Variants in VEPH1 observed in about 807,000 individuals in gnomAD.
The protein encoded by VEPH1 is ventricular zone expressed PH domain containing 1.
Under a neutral mutation model 85.2 loss-of-function variants are expected in VEPH1, and 80 were observed. The observed-to-expected ratio is 0.94, with a 90% CI of 0.78 to 1.13. The LOEUF (loss-of-function observed/expected upper bound fraction) is 1.13, where lower values mean the gene tolerates loss of function less well. Among genes scored for constraint, VEPH1 ranks in the 50% most tolerant of loss-of-function variants. The pLI is 0.00. For synonymous variants in VEPH1, 297 were observed against 348.0 expected (o/e 0.85, Z 1.63); for missense variants, 955 against 980.5 (o/e 0.97, Z 0.35).
intron 12 of VEPH1, among the ~76,000 whole-genome samples, chr3:157,268,700 T>C (rs2108269336): frequency 6.6e-6 from 1 of 152,228 alleles, no homozygotes; most frequent in Middle Eastern, 3.4e-3. Context: ...AGGCACTGCT[T>C]CTCCCTCACC....
chr3:157,337,043 A>C (rs1292700660), intron 9 of VEPH1, among the ~76,000 whole-genome samples: 1 of 151,976 alleles, frequency 6.6e-6, no homozygotes, highest in African/African-American at 2.4e-5. Flanking sequence ...TGTTTGAAAA[A>C]TGCTAAAATT....
At chr3:157,423,562 T>C (rs890830030) in intron 5 of VEPH1, among the ~76,000 whole-genome samples, 2 of 152,254 alleles carry the variant, frequency 1.3e-5, no homozygotes, top group Non-Finnish European at 2.9e-5. Context: ...CATAAAAGTA[T>C]GCATTCTTCA....
intron 2 of VEPH1, among the ~76,000 whole-genome samples, chr3:157,478,233 C>A (rs1036607259): frequency 6.6e-6 from 1 of 152,152 alleles, no homozygotes; most frequent in Non-Finnish European, 1.5e-5. Flanking sequence ...GAAGGGTCAT[C>A]CCAGTTCCAG....
At chr3:157,299,416 C>T (rs1475671801) in intron 11 of VEPH1, among the ~76,000 whole-genome samples, 1 of 151,568 alleles carries the variant, frequency 6.6e-6, no homozygotes, top group Non-Finnish European at 1.5e-5. Flanking sequence ...AAAAATTAGC[C>T]AGGTGTGGTG....
intron 9 of VEPH1, among the ~76,000 whole-genome samples, chr3:157,359,091 T>C (rs1205604520): frequency 2.6e-5 from 4 of 152,252 alleles, no homozygotes; most frequent in African/African-American, 4.8e-5. Flanking sequence ...TTTCTATAAG[T>C]CAGCCTTGCT....
rs137926649 is a variant in VEPH1, at chr3:157,286,655, A to T, written c.2030T>A (p.Leu677His). Residue 677 changes from leucine to histidine, a missense_variant, in exon 12 of 14, where the codon CTC becomes CAC. Physicochemically the swap from Leu to His is moderately conservative, Grantham distance 99 (BLOSUM62 -3). Coordinates refer to ENST00000362010, the MANE Select transcript of VEPH1 (RefSeq NM_001167912.2). Reference sequence around the variant, plus strand: ...AAAGAACCTCACTTCTTCCAGATGGAGCTGTACCTGGTCCAGATCCTGTGT... The same window carrying T: ...AAAGAACCTCACTTCTTCCAGATGGTGCTGTACCTGGTCCAGATCCTGTGT... The part of the protein sequence containing the change: ...PQQKDLDQVQ[L>H]HLEEVRFFDV... The T allele has an allele frequency of 2.5e-6, 4 of 1,613,902 alleles. No homozygotes were observed. The highest frequency in any genetic ancestry group is 3.4e-6 in the Non-Finnish European group (4 of 1,179,944).
chr3:157,364,537 T>G, intron 7 of VEPH1, 25 bp from the exon 8 acceptor site: 1 of 1,596,902 alleles, frequency 6.3e-7, no homozygotes, highest in Non-Finnish European at 8.6e-7. Flanking sequence ...ATCATTGCAT[T>G]AGATGCAGGT....
chr3:157,286,714 C>T, intron 11 of VEPH1, 40 bp from the exon 12 acceptor site: 1 of 1,506,494 alleles, frequency 6.6e-7, no homozygotes. Context: ...ATAAGCTGCT[C>T]TGCCTGCTAC....
intron 11 of VEPH1, among the ~76,000 whole-genome samples, chr3:157,306,650 A>G (rs1458352896): frequency 6.6e-6 from 1 of 152,054 alleles, no homozygotes; most frequent in Non-Finnish European, 1.5e-5. Flanking sequence ...CATATGTAAG[A>G]GTTCATCTAG....
At chr3:157,278,828 A>G (rs1715721099) in intron 12 of VEPH1, among the ~76,000 whole-genome samples, 2 of 152,140 alleles carry the variant, frequency 1.3e-5, no homozygotes, top group Admixed American at 1.3e-4. Context: ...TCACTGAGCT[A>G]AGGAATGCTG....
At chr3:157,368,793 CAGTA>C (rs1442596145) in intron 7 of VEPH1, among the ~76,000 whole-genome samples, 1 of 151,860 alleles carries the variant, frequency 6.6e-6, no homozygotes, top group African/African-American at 2.4e-5. Context: ...GCCTGGCTAA[CAGTA>C]AGTATTTTTA....
chr3:157,481,478 A>AC (rs1738079061), intron 2 of VEPH1, among the ~76,000 whole-genome samples: 46 of 149,318 alleles, frequency 3.1e-4, no homozygotes, highest in African/African-American at 1.0e-3. Context: ...AAAAAAAAAA[A>AC]AAAAAAAACA....
At chr3:157,356,459 C>A (rs1486381087) in intron 9 of VEPH1, among the ~76,000 whole-genome samples, 1 of 152,148 alleles carries the variant, frequency 6.6e-6, no homozygotes, top group Middle Eastern at 3.2e-3. Context: ...CCTGGACTCT[C>A]AATTGCTAAC....
chr3:157,377,181 G>A (rs1728220109), intron 7 of VEPH1, among the ~76,000 whole-genome samples: 1 of 152,140 alleles, frequency 6.6e-6, no homozygotes, highest in Admixed American at 6.6e-5. Context: ...TGAACTGAGA[G>A]AAGTATTTTC....
Position 157,442,573 on chromosome 3 carries a change from T to G in VEPH1, c.530-14085A>C, listed in dbSNP as rs963132311. ...TATCTCAGCTACCAATCCATAGTGT[T>G]TGTGGTGGGTGGAGAGGAGAACAAA... is the stretch of plus-strand genomic sequence containing the variant. On this transcript the variant is annotated intron_variant, in intron 4 of 13. Coordinates refer to ENST00000362010, the MANE Select transcript of VEPH1 (RefSeq NM_001167912.2). The G allele has an allele frequency of 5.6e-6, 9 of 1,614,066 alleles. No individual in the cohort carries two copies. In the African/African-American group the frequency reaches 1.2e-4, roughly 22 times the overall value.
chr3:157,398,508 A>G (rs1368026198), intron 6 of VEPH1, among the ~76,000 whole-genome samples: 1 of 152,040 alleles, frequency 6.6e-6, no homozygotes, highest in Non-Finnish European at 1.5e-5. Context: ...GTGGTGCGCA[A>G]CTGTAGTCTC....
Position 157,363,554 on chromosome 3 carries a change from A to G in VEPH1, c.1545T>C (p.His515=), listed in dbSNP as rs372305235. The G allele has an allele frequency of 9.9e-6, 16 of 1,614,036 alleles. No individual in the cohort carries two copies. The highest frequency in any genetic ancestry group is 1.4e-5 in the Non-Finnish European group (16 of 1,180,006). Residue 515 remains histidine (H), a synonymous_variant, in exon 9 of 14, where the codon CAT becomes CAC. Coordinates refer to ENST00000362010, the MANE Select transcript of VEPH1 (RefSeq NM_001167912.2). ...ESSVSYPNII[H]IDSENLSETV... ...TTTCTGACAAATTCTCTGAGTCTATATGTATAATATTTGGGTATGAAACTG... is the reference window on the plus strand; with the variant it reads ...TTTCTGACAAATTCTCTGAGTCTATGTGTATAATATTTGGGTATGAAACTG...
At chr3:157,344,541 A>G (rs1723974953) in intron 9 of VEPH1, among the ~76,000 whole-genome samples, 1 of 152,080 alleles carries the variant, frequency 6.6e-6, no homozygotes, top group Admixed American at 6.6e-5. Flanking sequence ...ATACAAACAA[A>G]TGGAACATTC....
chr3:157,479,997 C>CTTTCTTTCTT (rs751094251), intron 2 of VEPH1, among the ~76,000 whole-genome samples: 1 of 151,738 alleles, frequency 6.6e-6, no homozygotes, highest in Non-Finnish European at 1.5e-5. Context: ...CACTTTCTCT[C>CTTTCTTTCTT]TTTCTTTCTT....
Sources: allele counts gnomAD v4.1 joint callset (sites outside exome capture counted in the v4.1 genomes callset), GRCh38; gene constraint gnomAD v4.1.1; transcripts MANE v1.5; gene names NCBI Gene and HGNC (gene_info 2026-07-23, HGNC 2026-07-21).